The following FSAF1 variants were observed in gnomAD, a reference collection of about 807,000 sequenced individuals.
FSAF1 encodes the protein 40S small subunit processome assembly factor 1.
the FSAF1 span, chr1:231,226,391 C>T: frequency 2.0e-5 from 6 of 303,552 alleles, no homozygotes; most frequent in African/African-American, 8.6e-5. Context: ...AGATGCTCAC[C>T]GGAGGCCGAG....
the FSAF1 span, chr1:231,225,998 C>CAAAAAAAAAAAAAAAAAAAA: frequency 3.5e-5 from 1 of 28,366 alleles, no homozygotes; most frequent in Non-Finnish European, 6.1e-5. Flanking sequence ...ACGTAAAATG[C>CAAAAAAAAAAAAAAAAAAAA]AAAAAAAAAA....
At chr1:231,229,826 G>A in the FSAF1 span, among the ~76,000 whole-genome samples, 3 of 152,164 alleles carry the variant, frequency 2.0e-5, no homozygotes, top group Non-Finnish European at 4.4e-5. Context: ...TGGCTGCCAG[G>A]GGCTGGAGGG....
the FSAF1 span, among the ~76,000 whole-genome samples, chr1:231,230,794 TGAG>T: frequency 1.3e-5 from 2 of 152,234 alleles, no homozygotes; most frequent in Admixed American, 1.3e-4. Flanking sequence ...CTTCAGATGA[TGAG>T]GAACTCTGCA....
the FSAF1 span, chr1:231,229,157 AG>A: frequency 6.4e-7 from 1 of 1,562,872 alleles, no homozygotes; most frequent in Non-Finnish European, 8.7e-7. Context: ...TACTTTTTCT[AG>A]GTTAAATTCT....
the FSAF1 span, chr1:231,225,848 T>C: frequency 3.1e-6 from 1 of 326,766 alleles, no homozygotes; most frequent in Non-Finnish European, 5.8e-6. Context: ...GACAAAAGAA[T>C]GTGAATGGCT....
the FSAF1 span, among the ~76,000 whole-genome samples, chr1:231,239,945 A>C: frequency 6.6e-6 from 1 of 152,212 alleles, no homozygotes; most frequent in African/African-American, 2.4e-5. Flanking sequence ...ATTTTGCAGA[A>C]TAGTCTTTTC....
chr1:231,226,079 A>G, the FSAF1 span, among the ~76,000 whole-genome samples: 1 of 150,488 alleles, frequency 6.6e-6, no homozygotes, highest in Non-Finnish European at 1.5e-5. Flanking sequence ...CAGGATTGCT[A>G]TAGTTTGGAT....
the FSAF1 span, chr1:231,224,877 G>A: frequency 0.011 from 1,832 of 170,016 alleles, 38 homozygotes; most frequent in African/African-American, 0.041. Flanking sequence ...GATTACAGCT[G>A]TACACCAATA....
the FSAF1 span, chr1:231,239,087 G>A: frequency 1.2e-6 from 2 of 1,613,976 alleles, no homozygotes; most frequent in African/African-American, 1.3e-5. Context: ...CCAGGTAGGG[G>A]AGATGGCTCT....
At chr1:231,224,947 G>C in the FSAF1 span, 1 of 165,916 alleles carries the variant, frequency 6.0e-6, no homozygotes, top group Non-Finnish European at 1.3e-5. Context: ...TCGGTGGCCA[G>C]AACAAATGAC....
chr1:231,230,963 T>C, the FSAF1 span, among the ~76,000 whole-genome samples: 20 of 152,336 alleles, frequency 1.3e-4, no homozygotes, highest in East Asian at 1.2e-3. Context: ...CACTGTCACA[T>C]TGGACGCTGA....
chr1:231,225,754 C>A, the FSAF1 span: 1 of 531,282 alleles, frequency 1.9e-6, no homozygotes, highest in Admixed American at 3.1e-5. Context: ...TCCAGGAAGC[C>A]AAGGGGGGAG....
the FSAF1 span, among the ~76,000 whole-genome samples, chr1:231,231,209 C>T: frequency 0.027 from 4,109 of 152,286 alleles, 85 homozygotes; most frequent in South Asian, 0.043. Flanking sequence ...ACTCTGTGTG[C>T]GCCACTTCCA....
chr1:231,223,806 G>A, the FSAF1 span: 2 of 152,586 alleles, frequency 1.3e-5, no homozygotes, highest in Non-Finnish European at 2.9e-5. Flanking sequence ...TTATGAAGTA[G>A]ATTTTGTACA....
chr1:231,225,255 G>T, the FSAF1 span: 1 of 577,970 alleles, frequency 1.7e-6, no homozygotes. Flanking sequence ...GAGTGTCGGT[G>T]AAAAGTGGAA....
At chr1:231,227,596 T>G in the FSAF1 span, among the ~76,000 whole-genome samples, 22 of 145,054 alleles carry the variant, frequency 1.5e-4, no homozygotes, top group Non-Finnish European at 2.1e-4. Flanking sequence ...TTTTTTTTTT[T>G]TTTTTTTTTT....
chr1:231,231,808 G>A, the FSAF1 span, among the ~76,000 whole-genome samples: 10 of 152,154 alleles, frequency 6.6e-5, no homozygotes, highest in South Asian at 2.1e-4. Flanking sequence ...CAGCAGCCAC[G>A]GAGAACACCT....
the FSAF1 span, among the ~76,000 whole-genome samples, chr1:231,230,136 T>C: frequency 1.3e-5 from 2 of 151,624 alleles, no homozygotes; most frequent in Non-Finnish European, 2.9e-5. Context: ...AGAAGAAAAA[T>C]GGAGACAATA....
the FSAF1 span, chr1:231,226,830 A>G: frequency 6.2e-7 from 1 of 1,600,986 alleles, no homozygotes; most frequent in Non-Finnish European, 8.6e-7. Flanking sequence ...AGGAGGCTGT[A>G]ATGAAAGAAC....
Sources: gnomAD v4.1 joint callset for allele counts (sites outside exome capture counted in the v4.1 genomes callset) on GRCh38, gnomAD v4.1.1 for gene constraint, MANE v1.5 for transcripts, NCBI Gene and HGNC (gene_info 2026-07-23, HGNC 2026-07-21) for gene names.